CLCN6: variants seen among roughly 807,000 people sequenced by gnomAD.
CLCN6 encodes the protein Cl-/H+ antiporter 6.
In CLCN6, 70 loss-of-function variants were observed where a neutral mutation model predicts 109.8. The observed-to-expected ratio is 0.64, with a 90% confidence interval of 0.53 to 0.78. The LOEUF (loss-of-function observed/expected upper bound fraction) is 0.78. Ranked by LOEUF, CLCN6 falls within the 30% of genes least tolerant of loss-of-function variation. The pLI is 0.00. For synonymous variants in CLCN6, 444 were observed against 447.8 expected (o/e 0.99, Z 0.11); for missense variants, 984 against 1,142.3 (o/e 0.86, Z 2.00).
At chr1:11,806,750 T>A in intron 1 of CLCN6, 1 of 353,662 alleles carries the variant, frequency 2.8e-6, no homozygotes, top group Non-Finnish European at 5.1e-6. Flanking sequence ...ACAGTCCAGC[T>A]TCCCCCTGCA....
intron 2 of CLCN6, among the ~76,000 whole-genome samples, chr1:11,810,565 C>T (rs1025265303): frequency 5.9e-5 from 9 of 152,130 alleles, no homozygotes; most frequent in African/African-American, 1.2e-4. Context: ...CCATTTTGCT[C>T]GTAACCCCCT....
intron 18 of CLCN6, among the ~76,000 whole-genome samples, 157 bp downstream of exon 18, chr1:11,836,310 ACAG>A (rs1415626169): frequency 6.6e-6 from 1 of 152,066 alleles, no homozygotes; most frequent in Non-Finnish European, 1.5e-5. Flanking sequence ...AGTAGATTTG[ACAG>A]CAGGGGCAGC....
intron 1 of CLCN6, 97 bp downstream of exon 1, chr1:11,806,446 G>A: frequency 9.0e-7 from 1 of 1,115,612 alleles, no homozygotes; most frequent in South Asian, 1.7e-5. Flanking sequence ...TGGGCCCGCA[G>A]GTGGCAGCGG....
chr1:11,828,734 C>T, intron 12 of CLCN6, 110 bp downstream of exon 12: 1 of 1,159,458 alleles, frequency 8.6e-7, no homozygotes, highest in Non-Finnish European at 1.2e-6. Context: ...TTTGATTTCT[C>T]ATCTAAGACT....
rs148061144 is a variant in CLCN6, at chr1:11,829,360, C to T, written c.1248+38C>T. ...CACCTGCTACCTTTATCCCATACCACGAGGAAGAATCCAGAAATGTATGAC... is the reference window on the plus strand; with the variant it reads ...CACCTGCTACCTTTATCCCATACCATGAGGAAGAATCCAGAAATGTATGAC... On this transcript the variant is annotated intron_variant, in intron 13 of 22. Coordinates refer to ENST00000346436, the MANE Select transcript of CLCN6 (RefSeq NM_001286.5). The T allele has an allele frequency of 1.2e-4, 190 of 1,612,268 alleles. No homozygotes were observed. In the East Asian group the frequency reaches 2.4e-3, roughly 21 times the overall value.
At chr1:11,835,150 T>A (rs1321842597) in intron 17 of CLCN6, among the ~76,000 whole-genome samples, 1 of 152,224 alleles carries the variant, frequency 6.6e-6, no homozygotes, top group Non-Finnish European at 1.5e-5. Flanking sequence ...ATGGTCTCTG[T>A]CACGACTACT....
At chr1:11,832,464 A>AGCTGCCATCT (rs1644893606) in intron 13 of CLCN6, among the ~76,000 whole-genome samples, 1 of 152,274 alleles carries the variant, frequency 6.6e-6, no homozygotes, top group Non-Finnish European at 1.5e-5. Flanking sequence ...TGAAGCCATC[A>AGCTGCCATCT]GCTGAGCTCA....
At chr1:11,812,533 C>G (rs796841855) in intron 2 of CLCN6, among the ~76,000 whole-genome samples, 1 of 152,078 alleles carries the variant, frequency 6.6e-6, no homozygotes, top group Admixed American at 6.5e-5. Context: ...TGTCCCACCC[C>G]GCTAATCCTG....
intron 13 of CLCN6, among the ~76,000 whole-genome samples, chr1:11,832,117 C>T (rs2100649845): frequency 6.6e-6 from 1 of 152,316 alleles, no homozygotes; most frequent in East Asian, 1.9e-4. Flanking sequence ...TGGCCAGTAG[C>T]TGTGCCCCCA....
intron 8 of CLCN6, 71 bp from the exon 9 acceptor site, chr1:11,826,085 A>C: frequency 9.0e-7 from 1 of 1,114,318 alleles, no homozygotes. Context: ...TTTTTCCATA[A>C]TTACTGGGGT....
chr1:11,818,256 G>C (rs1016384751), intron 4 of CLCN6, among the ~76,000 whole-genome samples: 2 of 152,230 alleles, frequency 1.3e-5, no homozygotes, highest in South Asian at 2.1e-4. Flanking sequence ...GCTGCCACTT[G>C]TCAGTACTAC....
At chr1:11,830,544 T>TTTATATC (rs1644865808) in intron 13 of CLCN6, among the ~76,000 whole-genome samples, 1 of 151,842 alleles carries the variant, frequency 6.6e-6, no homozygotes, top group Admixed American at 6.6e-5. Context: ...TATACACCAT[T>TTTATATC]TTATATCTGG....
intron 2 of CLCN6, among the ~76,000 whole-genome samples, chr1:11,814,598 T>G (rs1036837732): frequency 2.0e-5 from 3 of 152,132 alleles, no homozygotes; most frequent in African/African-American, 7.2e-5. Context: ...CTTTGAATTG[T>G]TTCTCTAAAT....
In CLCN6 at chr1:11,828,575, C is replaced by T. The variant is rs1321258058; in HGVS notation, c.1072C>T (p.Leu358Phe). 6.2e-7 allele frequency: 1 copy of T among 1,614,132 alleles called. No homozygotes were observed. Among genetic ancestry groups the T allele is most frequent in the Non-Finnish European group, 8.5e-7 (1 of 1,180,030 alleles). ...GATFNCLNKR[L>F]AKYRMRNVHP... Reference sequence around the variant, plus strand: ...CACATTCAACTGTCTGAACAAGAGGCTTGCAAAGTACCGTATGCGAAACGT... The same window carrying T: ...CACATTCAACTGTCTGAACAAGAGGTTTGCAAAGTACCGTATGCGAAACGT... Residue 358 changes from leucine (L) to phenylalanine (F), a missense_variant, in exon 12 of 23, where the codon CTT becomes TTT. Transcript: ENST00000346436.
chr1:11,834,186 AGCCTATCAG>A lies in CLCN6; in HGVS notation c.1527-49_1527-41del. The A allele has an allele frequency of 2.5e-6, 4 of 1,596,224 alleles. No homozygotes were observed. The highest frequency in any genetic ancestry group is 3.4e-6 in the Non-Finnish European group (4 of 1,171,942). ...AGTATGAGCTGTAGGTCCTCCCCAC[AGCCTATCAG>A]TGTGGTTCAAAGCCATGTTCTCGGT... On this transcript the variant is annotated intron_variant, in intron 15 of 22. Transcript: ENST00000346436. The surrounding 1 kb of genome is among the most constrained non-coding windows in gnomAD (Gnocchi z 4.5).
At chr1:11,809,455 G>A (rs541650226) in intron 2 of CLCN6, among the ~76,000 whole-genome samples, 3 of 152,140 alleles carry the variant, frequency 2.0e-5, no homozygotes, top group African/African-American at 7.2e-5. Flanking sequence ...AATTTTTGTT[G>A]TTCTTGTCAT....
In CLCN6 at chr1:11,840,594, C is replaced by G. The variant is rs534577667; in HGVS notation, c.*371C>G. 34 of 328,928 alleles carry G rather than the reference C, an allele frequency of 1.0e-4. No homozygotes were observed. Among genetic ancestry groups the G allele is most frequent in the East Asian group, 9.8e-4 (15 of 15,306 alleles). The allele number at this position is 328,928 out of a possible 1,614,324, so 20.4% of individuals were successfully genotyped here. A position where few individuals can be genotyped will look rare whatever the true frequency, so the allele number is the denominator to read the frequency against. On this transcript the variant is annotated 3_prime_UTR_variant, in exon 23 of 23. Transcript: ENST00000346436. ...CATCTTTGCTACTTTCCTAGAGAAC[C>G]CGGCTGTTGCCTTAAATGTGTGAGA...
chr1:11,827,078 C>G lies in CLCN6; in HGVS notation c.708-11C>G. 2.5e-6 allele frequency: 4 copies of G among 1,613,334 alleles called. No individual in the cohort carries two copies. Among genetic ancestry groups the G allele is most frequent in the Non-Finnish European group, 3.4e-6 (4 of 1,179,680 alleles). ...TCTTTATTGGATAACCCGTCTCTCT[C>G]CTCTCCTCAGAGACAAGAGAGACTT... On this transcript the variant is annotated splice_polypyrimidine_tract_variant and intron_variant, in intron 9 of 22. Coordinates refer to ENST00000346436, the MANE Select transcript of CLCN6 (RefSeq NM_001286.5).
At position 11,806,291 on chromosome 1, in the gene CLCN6, G is replaced by C; in HGVS notation, c.29G>C (p.Cys10Ser). 6.6e-7 allele frequency: 1 copy of C among 1,508,022 alleles called. No homozygotes were observed. Among genetic ancestry groups the C allele is most frequent in the Non-Finnish European group, 8.8e-7 (1 of 1,139,312 alleles). 93.4% of individuals were successfully genotyped at this position (1,508,022 alleles called of 1,614,324 possible). A position where few individuals can be genotyped will look rare whatever the true frequency, so the allele number is the denominator to read the frequency against. MAGCRGSLCCCCRWCCCCGE... is the reference protein window; with the variant it reads MAGCRGSLCSCCRWCCCCGE... ...GCGGGGTGCAGGGGGTCTCTGTGCT[G>C]CTGCTGCAGGTGGTGCTGCTGCTGC... Residue 10 changes from cysteine (C) to serine (S), a missense_variant, in exon 1 of 23, where the codon TGC becomes TCC. By Grantham distance (112) the Cys-to-Ser change is moderately radical. Transcript: ENST00000346436.
Sources: allele counts gnomAD v4.1 joint callset (sites outside exome capture counted in the v4.1 genomes callset), GRCh38; gene constraint gnomAD v4.1.1; non-coding constraint Gnocchi (gnomAD v3.1); transcripts MANE v1.5; gene names NCBI Gene and HGNC (gene_info 2026-07-23, HGNC 2026-07-21).